Variants in ATXN1 observed in about 807,000 individuals in gnomAD.
The protein encoded by ATXN1 is ataxin-1.
ATXN1 carries 8 observed loss-of-function variants against 56.4 expected under a neutral mutation model. That is an observed-to-expected ratio of 0.14 (90% confidence interval 0.08 to 0.26). The LOEUF (loss-of-function observed/expected upper bound fraction) is 0.26. Ranked by LOEUF, ATXN1 falls within the 10% of genes least tolerant of loss-of-function variation. The pLI is 1.00. For synonymous variants in ATXN1, 514 were observed against 494.6 expected (o/e 1.04, Z -0.52); for missense variants, 987 against 1,106.5 (o/e 0.89, Z 1.53).
At chr6:16,509,524 C>G (rs1168955279) in intron 5 of ATXN1, among the ~76,000 whole-genome samples, 1 of 152,182 alleles carries the variant, frequency 6.6e-6, no homozygotes, top group East Asian at 1.9e-4. Flanking sequence ...TGTAGCCATT[C>G]AGGACTGAAA....
At chr6:16,655,932 A>G (rs1401526024) in intron 3 of ATXN1, among the ~76,000 whole-genome samples, 1 of 151,858 alleles carries the variant, frequency 6.6e-6, no homozygotes, top group Non-Finnish European at 1.5e-5. Context: ...TCTACTAAAA[A>G]TACAAAAATT....
At chr6:16,648,549 C>A (rs1258836201) in intron 3 of ATXN1, among the ~76,000 whole-genome samples, 1 of 152,178 alleles carries the variant, frequency 6.6e-6, no homozygotes, top group Non-Finnish European at 1.5e-5. Flanking sequence ...TGGGAGTCTG[C>A]ACATTCACCT....
intron 7 of ATXN1, among the ~76,000 whole-genome samples, chr6:16,315,858 A>T (rs1760496127): frequency 6.6e-6 from 1 of 152,110 alleles, no homozygotes; most frequent in Admixed American, 6.6e-5. Context: ...AATGATGATC[A>T]TTATGTAGAG....
At chr6:16,682,449 G>A (rs4712291) in intron 2 of ATXN1, among the ~76,000 whole-genome samples, 49,332 of 151,650 alleles carry the variant, frequency 0.33, 8,124 homozygotes, top group Non-Finnish European at 0.35. Context: ...TGTCCGCCTC[G>A]GCCTCCCAAA....
chr6:16,729,757 T>A (rs1310043766), intron 2 of ATXN1, among the ~76,000 whole-genome samples: 1 of 152,180 alleles, frequency 6.6e-6, no homozygotes, highest in Non-Finnish European at 1.5e-5. Context: ...TTTAATTATC[T>A]ATTGCAACGG....
intron 6 of ATXN1, among the ~76,000 whole-genome samples, chr6:16,433,542 T>C (rs1253755399): frequency 6.6e-6 from 1 of 152,226 alleles, no homozygotes. Context: ...CTTTGTCACG[T>C]GCAGCCCAGA....
intron 4 of ATXN1, among the ~76,000 whole-genome samples, chr6:16,574,553 C>T (rs149209334): frequency 0.014 from 2,186 of 152,286 alleles, 66 homozygotes; most frequent in African/African-American, 0.049. Context: ...CCATGTTGGC[C>T]AGTCTGGTCT....
chr6:16,636,588 T>C (rs1763601593), intron 3 of ATXN1, among the ~76,000 whole-genome samples: 1 of 152,234 alleles, frequency 6.6e-6, no homozygotes, highest in Admixed American at 6.5e-5. Context: ...GAATAGTCTA[T>C]GCCATCACAC....
chr6:16,377,933 C>T (rs1404038864), intron 6 of ATXN1, among the ~76,000 whole-genome samples: 1 of 152,230 alleles, frequency 6.6e-6, no homozygotes, highest in Non-Finnish European at 1.5e-5. Flanking sequence ...CATAACAGCA[C>T]GTGTATGTAA....
At chr6:16,341,426 C>G (rs961246696) in intron 6 of ATXN1, among the ~76,000 whole-genome samples, 1 of 152,040 alleles carries the variant, frequency 6.6e-6, no homozygotes, top group Non-Finnish European at 1.5e-5. Flanking sequence ...ATAAGAATCC[C>G]TAGATGTTGG....
intron 2 of ATXN1, among the ~76,000 whole-genome samples, chr6:16,746,356 C>T (rs1760536075): frequency 6.6e-6 from 1 of 152,148 alleles, no homozygotes; most frequent in Non-Finnish European, 1.5e-5. Context: ...ACCAAAAAGA[C>T]AAGGCAATGC....
intron 7 of ATXN1, among the ~76,000 whole-genome samples, chr6:16,313,234 C>T (rs1479313523): frequency 6.6e-6 from 1 of 152,140 alleles, no homozygotes; most frequent in Non-Finnish European, 1.5e-5. Context: ...CTCTGGCTTT[C>T]CCAATAAACC....
At chr6:16,670,136 T>C (rs1758511231) in intron 2 of ATXN1, among the ~76,000 whole-genome samples, 1 of 152,224 alleles carries the variant, frequency 6.6e-6, no homozygotes, top group Non-Finnish European at 1.5e-5. Flanking sequence ...TCAACTCCTC[T>C]GCCTTCCCCC....
intron 2 of ATXN1, 80 bp downstream of exon 2, chr6:16,753,153 G>A (rs993782908): frequency 1.6e-5 from 7 of 439,442 alleles, no homozygotes; most frequent in Non-Finnish European, 3.2e-5. Flanking sequence ...AACAAAGTAA[G>A]GGAGCATGGC....
chr6:16,423,627 C>T (rs1759080484), intron 6 of ATXN1, among the ~76,000 whole-genome samples: 2 of 152,122 alleles, frequency 1.3e-5, no homozygotes, highest in African/African-American at 4.8e-5. Flanking sequence ...GGGAGGGTGA[C>T]TTAAGGTGGG....
chr6:16,376,646 T>G (rs1305343292), intron 6 of ATXN1, among the ~76,000 whole-genome samples: 1 of 152,206 alleles, frequency 6.6e-6, no homozygotes, highest in African/African-American at 2.4e-5. Context: ...TCATTTAAAA[T>G]CTACAGCTTT....
intron 2 of ATXN1, among the ~76,000 whole-genome samples, chr6:16,668,318 A>G (rs1041897142): frequency 4.6e-5 from 7 of 151,182 alleles, no homozygotes; most frequent in Non-Finnish European, 1.0e-4. Flanking sequence ...AGCATTAGGT[A>G]TATCTCCTAA....
chr6:16,547,763 C>A (rs547098455), intron 4 of ATXN1, among the ~76,000 whole-genome samples: 1 of 152,296 alleles, frequency 6.6e-6, no homozygotes, highest in Admixed American at 6.5e-5. Context: ...GAGGCTATCT[C>A]TGAGCCCAAG....
chr6:16,590,456 G>A (rs539753975), intron 3 of ATXN1, among the ~76,000 whole-genome samples: 4 of 152,158 alleles, frequency 2.6e-5, no homozygotes, highest in Non-Finnish European at 5.9e-5. Context: ...TTGCATATTG[G>A]CCAAATTTAA....
Sources: allele counts gnomAD v4.1 joint callset (sites outside exome capture counted in the v4.1 genomes callset), GRCh38; gene constraint gnomAD v4.1.1; transcripts MANE v1.5; gene names NCBI Gene and HGNC (gene_info 2026-07-23, HGNC 2026-07-21).